Variants in SDK1 observed in about 807,000 individuals in gnomAD.
The protein encoded by SDK1 is sidekick cell adhesion molecule 1, also known as protein sidekick-1.
SDK1 carries 157 observed loss-of-function variants against 245.5 expected under a neutral mutation model. The ratio of observed to expected loss-of-function variants is 0.64; its 90% CI spans 0.56 to 0.73. The LOEUF (loss-of-function observed/expected upper bound fraction) is 0.73, where lower values mean the gene tolerates loss of function less well. Ranked by LOEUF, SDK1 falls within the 30% of genes least tolerant of loss-of-function variation. The pLI, the probability that SDK1 is intolerant of heterozygous loss-of-function variation, is 0.00. For missense variants in SDK1, 3,583 were observed against 3,002.3 expected, an observed-to-expected ratio of 1.19 and a Z score of -4.52; for synonymous variants, 1,647 against 1,278.5, an observed-to-expected ratio of 1.29 and a Z score of -6.15.
chr7:3,601,358 A>G lies in SDK1; in HGVS notation c.299-17722A>G, dbSNP rs562975519. Among the ~76,000 whole-genome samples the G allele has an allele frequency of 6.6e-5, 10 of 152,230 alleles. No individual in the cohort carries two copies. The South Asian group carries it at 2.1e-3, about 32-fold the overall frequency. ...AATCAACTGGGTCTGGAGAATTTTTATTGAGAAGCTTTTAAATTATAAATT... is the reference window on the plus strand; with the variant it reads ...AATCAACTGGGTCTGGAGAATTTTTGTTGAGAAGCTTTTAAATTATAAATT... On this transcript the variant is annotated intron_variant, in intron 1 of 44. Coordinates refer to ENST00000404826, the MANE Select transcript of SDK1 (RefSeq NM_152744.4).
chr7:3,444,598 G>T (rs1780292328), intron 1 of SDK1, among the ~76,000 whole-genome samples: 1 of 151,994 alleles, frequency 6.6e-6, no homozygotes, highest in Non-Finnish European at 1.5e-5. Context: ...CTCTTCTGTT[G>T]TTCGTTAGTG....
At chr7:3,496,743 C>T (rs1782038144) in intron 1 of SDK1, among the ~76,000 whole-genome samples, 1 of 152,160 alleles carries the variant, frequency 6.6e-6, no homozygotes, top group Non-Finnish European at 1.5e-5. Context: ...TCATTTGTTA[C>T]ATTCTGAAAG....
At chr7:4,158,973 C>T (rs538392746) in intron 31 of SDK1, among the ~76,000 whole-genome samples, 5 of 152,320 alleles carry the variant, frequency 3.3e-5, no homozygotes, top group Middle Eastern at 3.4e-3. Context: ...TCAGCCGCTC[C>T]GTCCTACCTC....
intron 1 of SDK1, among the ~76,000 whole-genome samples, chr7:3,589,330 T>A (rs1780787426): frequency 6.6e-6 from 1 of 152,192 alleles, no homozygotes; most frequent in Non-Finnish European, 1.5e-5. Flanking sequence ...ATCTCCCAGT[T>A]GTCATGGGCC....
intron 44 of SDK1, among the ~76,000 whole-genome samples, chr7:4,258,271 C>T (rs912752396): frequency 6.6e-6 from 1 of 152,176 alleles, no homozygotes; most frequent in Non-Finnish European, 1.5e-5. Context: ...GCTCAGCAGT[C>T]CCTTCCGAAC....
chr7:4,069,169 AC>A (rs1361929945), intron 20 of SDK1, among the ~76,000 whole-genome samples: 2 of 151,944 alleles, frequency 1.3e-5, no homozygotes, highest in South Asian at 2.1e-4. Context: ...TGTTTTAGTC[AC>A]TCTAAGAGCC....
intron 22 of SDK1, among the ~76,000 whole-genome samples, chr7:4,107,626 G>A (rs1431765761): frequency 1.3e-5 from 2 of 152,136 alleles, no homozygotes; most frequent in African/African-American, 2.4e-5. Context: ...CCATGCCACA[G>A]GGCCAGCATT....
At position 3,854,102 on chromosome 7, in the gene SDK1, G is replaced by A. The variant is rs573677298; in HGVS notation, c.847+32519G>A. On this transcript the variant is annotated intron_variant, in intron 5 of 44. Coordinates refer to ENST00000404826, the MANE Select transcript of SDK1 (RefSeq NM_152744.4). ...TTTTTAAATTTGAGAGTATGGAATA[G>A]GGGTTATAACTTCTAGAGACAGGAT... is the stretch of plus-strand genomic sequence containing the variant. Among the ~76,000 whole-genome samples, 5 of 152,202 alleles carry A rather than the reference G, an allele frequency of 3.3e-5. No homozygotes were observed. The South Asian group carries it at 1.0e-3, about 32-fold the overall frequency.
rs369161457 is a variant in SDK1 at position 4,166,127 on chromosome 7, A to G, written c.4800+4271A>G. ...AGACTGTTTTCTAGCAAAGAAAAAA[A>G]TCCCAAGCAATTGATCACACCATAC... On this transcript the variant is annotated intron_variant, in intron 32 of 44. Transcript: ENST00000404826. Among the ~76,000 whole-genome samples, 319 of 152,338 alleles carry G rather than the reference A, an allele frequency of 2.1e-3. 13 individuals are homozygous for G. The South Asian group carries it at 0.062, about 29-fold the overall frequency.
chr7:3,395,394 C>T (rs1562461054), intron 1 of SDK1, among the ~76,000 whole-genome samples: 1 of 151,604 alleles, frequency 6.6e-6, no homozygotes, highest in Non-Finnish European at 1.5e-5. Flanking sequence ...ATTTTTGCAT[C>T]TGTGTTTGTG....
chr7:4,217,368 G>T (rs1483151433), intron 38 of SDK1, among the ~76,000 whole-genome samples: 2 of 132,650 alleles, frequency 1.5e-5, no homozygotes, highest in Non-Finnish European at 3.2e-5. Flanking sequence ...CAGGCCACCC[G>T]GAGCACCAGG....
At chr7:3,464,455 A>G (rs549309509) in intron 1 of SDK1, among the ~76,000 whole-genome samples, 1 of 152,312 alleles carries the variant, frequency 6.6e-6, no homozygotes, top group East Asian at 1.9e-4. Flanking sequence ...GAAGGGCTCA[A>G]GGCTACAGTG....
intron 26 of SDK1, chr7:4,129,556 T>G (rs891978569): frequency 2.9e-6 from 2 of 693,420 alleles, no homozygotes; most frequent in African/African-American, 1.9e-5. Flanking sequence ...TGCTGGCTCC[T>G]GTGGCAGGAA....
intron 5 of SDK1, among the ~76,000 whole-genome samples, chr7:3,859,162 C>A (rs1341845541): frequency 6.6e-6 from 1 of 151,986 alleles, no homozygotes; most frequent in Admixed American, 6.6e-5. Context: ...AAGCCCGGCC[C>A]ATATTTTTCT....
rs539595649 is a variant in SDK1 at position 3,584,212 on chromosome 7, C to T, written c.299-34868C>T. ...AAGGCTTCTTAGGGCCCTTAATATG[C>T]TTTGTGACTGTAGGAGGGGATATGT... On this transcript the variant is annotated intron_variant, in intron 1 of 44. Coordinates refer to ENST00000404826, the MANE Select transcript of SDK1 (RefSeq NM_152744.4). Among the ~76,000 whole-genome samples the T allele has an allele frequency of 3.3e-5, 5 of 152,252 alleles. No individual in the cohort carries two copies. In the East Asian group the frequency reaches 5.8e-4, roughly 18 times the overall value.
chr7:3,722,727 C>A (rs770415077), intron 4 of SDK1, among the ~76,000 whole-genome samples: 1 of 152,204 alleles, frequency 6.6e-6, no homozygotes, highest in Non-Finnish European at 1.5e-5. Context: ...CCCCCTGGTG[C>A]AGAATCCTCA....
In SDK1 at chr7:3,975,259, G is replaced by GT. The variant is rs149061872; in HGVS notation, c.1994+715dup. On this transcript the variant is annotated intron_variant, in intron 13 of 44. Transcript: ENST00000404826. ...AAAAGTTGTGCCATCTCAATATTCCGTGAGTGCATGAGTACAAAAATAAAA... is the reference window on the plus strand; with the variant it reads ...AAAAGTTGTGCCATCTCAATATTCCGTTGAGTGCATGAGTACAAAAATAAAA... Among the ~76,000 whole-genome samples, 929 of 152,156 alleles carry GT rather than the reference G, an allele frequency of 6.1e-3. 9 individuals carry two copies. Among genetic ancestry groups the GT allele is most frequent in the African/African-American group, 0.021 (870 of 41,500 alleles).
At chr7:3,915,020 A>G (rs1779316446) in intron 5 of SDK1, among the ~76,000 whole-genome samples, 2 of 152,206 alleles carry the variant, frequency 1.3e-5, no homozygotes, top group African/African-American at 4.8e-5. Flanking sequence ...TCAACTTTGT[A>G]AGGCACATTT....
intron 1 of SDK1, among the ~76,000 whole-genome samples, chr7:3,375,437 C>T (rs1329058051): frequency 6.6e-6 from 1 of 152,076 alleles, no homozygotes; most frequent in African/African-American, 2.4e-5. Context: ...AAGTTGGCTC[C>T]CAGTGATCAT....
Sources: gnomAD v4.1 joint callset for allele counts (sites outside exome capture counted in the v4.1 genomes callset) on GRCh38, gnomAD v4.1.1 for gene constraint, MANE v1.5 for transcripts, NCBI Gene and HGNC (gene_info 2026-07-23, HGNC 2026-07-21) for gene names.